Variants in MELK observed in about 807,000 individuals in gnomAD.
The protein encoded by MELK is maternal embryonic leucine zipper kinase, also known as pEg3 kinase.
In MELK, 81 loss-of-function variants were observed where a neutral mutation model predicts 85.0. The ratio of observed to expected loss-of-function variants is 0.95; its 90% CI spans 0.80 to 1.15. The LOEUF is 1.15. Ranked by LOEUF, MELK falls within the 50% of genes most tolerant of loss-of-function variation. MELK has a pLI of 0.00. For missense variants in MELK, 754 were observed against 777.5 expected, an observed-to-expected ratio of 0.97 and a Z score of 0.36; for synonymous variants, 252 against 265.0, an observed-to-expected ratio of 0.95 and a Z score of 0.48.
At chr9:36,579,960 T>C (rs969211645) in intron 1 of MELK, among the ~76,000 whole-genome samples, 3 of 151,714 alleles carry the variant, frequency 2.0e-5, no homozygotes, top group East Asian at 1.9e-4. Flanking sequence ...ATACATATCA[T>C]ATACATAATA....
intron 15 of MELK, among the ~76,000 whole-genome samples, chr9:36,669,622 G>C (rs1415538968): frequency 6.6e-6 from 1 of 152,064 alleles, no homozygotes; most frequent in Admixed American, 6.6e-5. Context: ...GCAGTAGGAC[G>C]GCACCTTAAG....
chr9:36,636,774 T>G (rs4996948), intron 10 of MELK, among the ~76,000 whole-genome samples: 3,055 of 105,802 alleles, frequency 0.029, 82 homozygotes, highest in African/African-American at 0.093. Context: ...CTTTCTTTCT[T>G]TCTTTCTTTC....
chr9:36,670,975 C>T, intron 15 of MELK, 23 bp from the exon 16 acceptor site: 1 of 1,591,062 alleles, frequency 6.3e-7, no homozygotes, highest in Admixed American at 1.8e-5. Flanking sequence ...TCTACTTGTG[C>T]CTTGTTTTAT....
chr9:36,630,228 C>T, intron 8 of MELK, 71 bp from the exon 9 acceptor site: 1 of 1,097,988 alleles, frequency 9.1e-7, no homozygotes, highest in Non-Finnish European at 1.4e-6. Context: ...AAACCTCCAG[C>T]ATGTTATTAC....
chr9:36,642,381 G>C (rs1320550023), intron 10 of MELK, among the ~76,000 whole-genome samples: 1 of 150,462 alleles, frequency 6.6e-6, no homozygotes, highest in Non-Finnish European at 1.5e-5. Flanking sequence ...TTGTGGTAGG[G>C]AAGGGGAGTA....
Position 36,643,075 on chromosome 9 carries a change from A to C in MELK, c.913A>C (p.Ile305Leu), listed in dbSNP as rs1829904634. 5.6e-6 allele frequency: 9 copies of C among 1,612,122 alleles called. No homozygotes were observed. Among genetic ancestry groups the C allele is most frequent in the Non-Finnish European group, 7.6e-6 (9 of 1,178,686 alleles). The change falls in exon 11 of 18, where the codon ATT (isoleucine) becomes CTT (leucine). Residue 305 changes from isoleucine to leucine, a missense_variant. Ile to Leu is a conservative substitution (Grantham distance 5, BLOSUM62 2). Transcript: ENST00000298048. ...RNNRQTMEDL[I>L]SLWQYDHLTA... The stretch of plus-strand genomic sequence containing the variant: ...CAACAGGCAAACAATGGAGGATTTA[A>C]TTTCACTGGTAAGAAATACAGCATG...
intron 4 of MELK, 90 bp downstream of exon 4, chr9:36,589,742 A>T: frequency 1.0e-6 from 1 of 957,598 alleles, no homozygotes; most frequent in South Asian, 1.5e-5. Context: ...AGATTAGAAG[A>T]GATGTTAAGC....
chr9:36,645,035 G>A (rs1405948120), intron 11 of MELK, among the ~76,000 whole-genome samples: 3 of 152,028 alleles, frequency 2.0e-5, no homozygotes, highest in East Asian at 1.9e-4. Flanking sequence ...TTGGGAGTCC[G>A]AGGCGGGCGG....
In MELK at chr9:36,677,450, A is replaced by C. The variant is rs998917837; in HGVS notation, c.*113A>C. The C allele has an allele frequency of 1.0e-6, 1 of 990,870 alleles. No individual in the cohort carries two copies. Among genetic ancestry groups the C allele is most frequent in the African/African-American group, 1.6e-5 (1 of 61,008 alleles). The allele number at this position is 990,870 out of a possible 1,614,324, so 61.4% of individuals were successfully genotyped here. On this transcript the variant is annotated 3_prime_UTR_variant, in exon 18 of 18. Coordinates refer to ENST00000298048, the MANE Select transcript of MELK (RefSeq NM_014791.4). ...ATTGGAACTACCAACTTGTTTCTAAAGAGCTATCTTAAGACCAATATCTCT... is the reference window on the plus strand; with the variant it reads ...ATTGGAACTACCAACTTGTTTCTAACGAGCTATCTTAAGACCAATATCTCT...
At chr9:36,610,464 A>G (rs1825969310) in intron 8 of MELK, among the ~76,000 whole-genome samples, 1 of 152,218 alleles carries the variant, frequency 6.6e-6, no homozygotes, top group Admixed American at 6.5e-5. Flanking sequence ...AAGCAGTGTG[A>G]GCGGTAGCTA....
At chr9:36,611,590 ATC>A (rs1554721567) in intron 8 of MELK, among the ~76,000 whole-genome samples, 1 of 152,068 alleles carries the variant, frequency 6.6e-6, no homozygotes, top group Non-Finnish European at 1.5e-5. Flanking sequence ...AAGCTTCAGA[ATC>A]TCTACTTTCT....
At chr9:36,632,183 A>T (rs1587503581) in intron 9 of MELK, among the ~76,000 whole-genome samples, 1 of 152,192 alleles carries the variant, frequency 6.6e-6, no homozygotes, top group East Asian at 1.9e-4. Context: ...TGCATTTCTA[A>T]CAAGCTCCCA....
At chr9:36,632,979 A>T in intron 9 of MELK, 123 bp from the exon 10 acceptor site, 1 of 706,448 alleles carries the variant, frequency 1.4e-6, no homozygotes, top group Middle Eastern at 3.4e-4. Context: ...AAAGTCTTTG[A>T]CAGCATTTTT....
In MELK at chr9:36,598,915, C is replaced by T. The variant is rs534010181; in HGVS notation, c.475-479C>T. Among the ~76,000 whole-genome samples the T allele has an allele frequency of 3.3e-5, 5 of 152,292 alleles. No individual in the cohort carries two copies. The East Asian group carries it at 5.8e-4, about 18-fold the overall frequency. ...AGCAGAGACCACACGTGCATGCACA[C>T]ATGTATACAGAGTATTGTGTTGGCT... On this transcript the variant is annotated intron_variant, in intron 6 of 17. Coordinates refer to ENST00000298048, the MANE Select transcript of MELK (RefSeq NM_014791.4).
At chr9:36,589,469 T>A in intron 3 of MELK, 67 bp from the exon 4 acceptor site, 1 of 1,278,032 alleles carries the variant, frequency 7.8e-7, no homozygotes, top group Non-Finnish European at 1.1e-6. Flanking sequence ...TTAAAGCTGT[T>A]AGTATTGGAG....
intron 7 of MELK, among the ~76,000 whole-genome samples, chr9:36,606,079 G>T (rs1645124454): frequency 6.6e-6 from 1 of 151,792 alleles, no homozygotes; most frequent in South Asian, 2.1e-4. Context: ...TACTGCTTAG[G>T]ACTCATGGGA....
At chr9:36,621,538 G>T (rs572885544) in intron 8 of MELK, among the ~76,000 whole-genome samples, 5 of 152,096 alleles carry the variant, frequency 3.3e-5, no homozygotes, top group Non-Finnish European at 5.9e-5. Flanking sequence ...AGGTCACACA[G>T]CTAGTAAGAG....
intron 11 of MELK, among the ~76,000 whole-genome samples, chr9:36,647,685 T>C (rs1482064062): frequency 6.6e-6 from 1 of 151,906 alleles, no homozygotes; most frequent in Non-Finnish European, 1.5e-5. Flanking sequence ...GACAGGGTTT[T>C]ACCATGTTGG....
At chr9:36,587,898 A>G (rs1015988707) in intron 3 of MELK, among the ~76,000 whole-genome samples, 4 of 151,080 alleles carry the variant, frequency 2.6e-5, no homozygotes, top group African/African-American at 9.7e-5. Context: ...AGTAGCTGGG[A>G]TTACAGGCAC....
Sources: allele counts gnomAD v4.1 joint callset (sites outside exome capture counted in the v4.1 genomes callset), GRCh38; gene constraint gnomAD v4.1.1; transcripts MANE v1.5; gene names NCBI Gene and HGNC (gene_info 2026-07-23, HGNC 2026-07-21).